NPAS3: variants seen among roughly 807,000 people sequenced by gnomAD.
The protein encoded by NPAS3 is neuronal PAS domain protein 3, also known as neuronal PAS domain-containing protein 3.
Under a neutral mutation model 73.1 loss-of-function variants are expected in NPAS3, and 14 were observed. That is an observed-to-expected ratio of 0.19 (90% confidence interval 0.13 to 0.30). The LOEUF is 0.30. Ranked by LOEUF, NPAS3 falls within the 10% of genes least tolerant of loss-of-function variation. The probability of loss-of-function intolerance (pLI) is 1.00; values close to 1 mark genes in which losing one functional copy is unlikely to be tolerated. For synonymous variants in NPAS3, 620 were observed against 541.5 expected (o/e 1.14, Z -2.01); for missense variants, 1,096 against 1,250.0 (o/e 0.88, Z 1.86).
chr14:32,937,911 GTC>G (rs1264568682), upstream of NPAS3, among the ~76,000 whole-genome samples: 1 of 152,118 alleles, frequency 6.6e-6, no homozygotes, highest in Non-Finnish European at 1.5e-5. Flanking sequence ...TCTGACCAGG[GTC>G]TACCCAGGTA....
At position 33,188,199 on chromosome 14, in the gene NPAS3, A is replaced by C. The variant is rs569045171; in HGVS notation, c.141-26983A>C. On this transcript the variant is annotated intron_variant, in intron 2 of 11. Transcript: ENST00000356141. ...CTCATTGACATATAGTAAGTACTGAATAAATGTCAGTTATGACTATTATTA... is the reference window on the plus strand; with the variant it reads ...CTCATTGACATATAGTAAGTACTGACTAAATGTCAGTTATGACTATTATTA... Among the ~76,000 whole-genome samples the C allele has an allele frequency of 2.6e-5, 4 of 152,362 alleles. No individual in the cohort carries two copies. The South Asian group carries it at 8.3e-4, about 32-fold the overall frequency.
At chr14:33,724,514 G>T (rs2061208535) in intron 6 of NPAS3, among the ~76,000 whole-genome samples, 1 of 152,042 alleles carries the variant, frequency 6.6e-6, no homozygotes, top group Non-Finnish European at 1.5e-5. Flanking sequence ...CCCACCTGTA[G>T]TCCCAGCTAC....
At chr14:32,938,526 G>GAGAGAGAGAGAGA (rs2035800805), upstream of NPAS3, among the ~76,000 whole-genome samples, 3 of 25,384 alleles carry the variant, frequency 1.2e-4, no homozygotes, top group Non-Finnish European at 1.8e-4. Context: ...AGAGAGAGAA[G>GAGAGAGAGAGAGA]GGGGGGGAGG....
chr14:33,171,028 C>A (rs2045369575), intron 2 of NPAS3, among the ~76,000 whole-genome samples: 1 of 152,184 alleles, frequency 6.6e-6, no homozygotes, highest in Non-Finnish European at 1.5e-5. Context: ...CAGTGACAGT[C>A]TTATGAAATG....
intron 3 of NPAS3, among the ~76,000 whole-genome samples, chr14:33,277,903 C>CAGT (rs1466896949): frequency 1.3e-5 from 2 of 151,938 alleles, no homozygotes; most frequent in East Asian, 3.9e-4. Context: ...GTTGTGTAGA[C>CAGT]AGTATACTAG....
At chr14:33,203,175 T>C (rs2139601241) in intron 2 of NPAS3, among the ~76,000 whole-genome samples, 1 of 152,346 alleles carries the variant, frequency 6.6e-6, no homozygotes, top group East Asian at 1.9e-4. Context: ...CAGATTTTAA[T>C]TGATGAGAAG....
intron 3 of NPAS3, among the ~76,000 whole-genome samples, chr14:33,299,507 A>G (rs1457857077): frequency 1.3e-5 from 2 of 152,274 alleles, no homozygotes; most frequent in South Asian, 2.1e-4. Flanking sequence ...CACCAAGTAG[A>G]AAGAGCTGGG....
At chr14:33,617,216 G>A (rs897811259) in intron 5 of NPAS3, among the ~76,000 whole-genome samples, 2 of 152,194 alleles carry the variant, frequency 1.3e-5, no homozygotes, top group Non-Finnish European at 2.9e-5. Flanking sequence ...CTCCATTGCA[G>A]CCAGCATGAT....
In NPAS3 at chr14:33,800,018, A is replaced by G. The variant is rs2063641327; in HGVS notation, c.1711A>G (p.Asn571Asp). 1 of 1,611,578 alleles carries G rather than the reference A, an allele frequency of 6.2e-7. No homozygotes were observed. The highest frequency in any genetic ancestry group is 1.3e-5 in the African/African-American group (1 of 74,940). ...GAGCGAGTCGGACCTGCGGCTGCAG[A>G]ACTGCGAGTCACTCACGTCCGACAG... The change falls in exon 12 of 12, where the codon AAC becomes GAC. Residue 571 changes from asparagine (N) to aspartate (D), a missense_variant. By Grantham distance (23) the Asn-to-Asp change is conservative (BLOSUM62 1). Around this residue, in one of 5 missense-constraint regions of NPAS3, gnomAD observed 698 missense variants for 676.7 expected, o/e 1.03. Transcript: ENST00000356141. This position sits in a 1 kb window ranked among gnomAD's most constrained non-coding sequence, Gnocchi z 6.5.
At chr14:33,178,073 TTTTTTG>T (rs1436126023) in intron 2 of NPAS3, among the ~76,000 whole-genome samples, 1 of 128,962 alleles carries the variant, frequency 7.8e-6, no homozygotes, top group Non-Finnish European at 1.7e-5. Context: ...GAAGTGAATT[TTTTTTG>T]TTTTTTTTTT....
intron 5 of NPAS3, among the ~76,000 whole-genome samples, chr14:33,579,032 C>T (rs967648795): frequency 1.3e-5 from 2 of 152,162 alleles, no homozygotes; most frequent in Non-Finnish European, 2.9e-5. Context: ...CCTGTTTGAG[C>T]AACTGCTATG....
chr14:33,391,262 C>T (rs1013772785), intron 4 of NPAS3, among the ~76,000 whole-genome samples: 43 of 142,680 alleles, frequency 3.0e-4, no homozygotes, highest in African/African-American at 1.1e-3. Context: ...GGCGCGATCT[C>T]GGCTTACCAC....
At chr14:33,057,360 G>A (rs908793965) in intron 2 of NPAS3, among the ~76,000 whole-genome samples, 8 of 151,872 alleles carry the variant, frequency 5.3e-5, no homozygotes, top group African/African-American at 1.5e-4. Context: ...GCTCTTGGTG[G>A]CCAGGTTTCT....
In NPAS3 at chr14:32,967,180, A is replaced by G. The variant is rs189313194; in HGVS notation, c.50+27814A>G. ...TTCCTCCTCAGCCTACTCAATGAAA[A>G]GATGATAATGACCTTTATCATGATC... On this transcript the variant is annotated intron_variant, in intron 1 of 11. Transcript: ENST00000356141. Among the ~76,000 whole-genome samples, 573 of 152,314 alleles carry G rather than the reference A, an allele frequency of 3.8e-3. 4 individuals carry two copies. The highest frequency in any genetic ancestry group is 0.017 in the Middle Eastern group (5 of 294).
At position 33,697,498 on chromosome 14, in the gene NPAS3, C is replaced by T. The variant is rs1465514900; in HGVS notation, c.733+21113C>T. The stretch of plus-strand genomic sequence containing the variant: ...ATGAGGGCCGGGGAAAAGTTGGGGG[C>T]AATGTGTTTATGGCAGTGATACAAA... On this transcript the variant is annotated intron_variant, in intron 6 of 11. Coordinates refer to ENST00000356141, the Ensembl canonical transcript of NPAS3. Among the ~76,000 whole-genome samples, 4 of 152,216 alleles carry T rather than the reference C, an allele frequency of 2.6e-5. No individual in the cohort carries two copies. The South Asian group carries it at 8.3e-4, about 32-fold the overall frequency.
At chr14:33,148,086 A>G (rs565625925) in intron 2 of NPAS3, among the ~76,000 whole-genome samples, 18 of 152,244 alleles carry the variant, frequency 1.2e-4, no homozygotes, top group African/African-American at 3.1e-4. Context: ...TGCCCTTGCT[A>G]CCTTTCTTCT....
intron 7 of NPAS3, among the ~76,000 whole-genome samples, chr14:33,767,765 A>G (rs1462405677): frequency 6.6e-6 from 1 of 152,220 alleles, no homozygotes; most frequent in East Asian, 1.9e-4. Flanking sequence ...TTCCTAAAAG[A>G]AAGGAGAATA....
At chr14:33,076,973 GA>G (rs563181619) in intron 2 of NPAS3, among the ~76,000 whole-genome samples, 197 of 152,278 alleles carry the variant, frequency 1.3e-3, no homozygotes, top group African/African-American at 4.6e-3. Context: ...GAGGCTTGAT[GA>G]GGCTTATTCA....
At chr14:33,728,515 A>G (rs2061327851) in intron 6 of NPAS3, among the ~76,000 whole-genome samples, 1 of 152,202 alleles carries the variant, frequency 6.6e-6, no homozygotes, top group Non-Finnish European at 1.5e-5. Context: ...CAAGCATTGA[A>G]GCTGATAAAG....
Sources: allele counts gnomAD v4.1 joint callset (sites outside exome capture counted in the v4.1 genomes callset), GRCh38; gene constraint gnomAD v4.1.1; regional missense constraint gnomAD v4.1.1; non-coding constraint Gnocchi (gnomAD v3.1); transcripts MANE v1.5; gene names NCBI Gene and HGNC (gene_info 2026-07-23, HGNC 2026-07-21).